Variants in AGMO observed in about 807,000 individuals in gnomAD.
The protein encoded by AGMO is alkylglycerol monooxygenase.
A neutral mutation model predicts 60.2 loss-of-function variants in AGMO; 75 were observed. The observed-to-expected ratio is 1.25, with a 90% CI of 1.03 to 1.51. The LOEUF (loss-of-function observed/expected upper bound fraction) is 1.51, where lower values mean the gene tolerates loss of function less well. AGMO is among the 40% of genes most tolerant of loss of function. The pLI, the probability that AGMO is intolerant of heterozygous loss-of-function variation, is 0.00. For missense variants in AGMO, 763 were observed against 525.5 expected, an observed-to-expected ratio of 1.45 and a Z score of -4.42; for synonymous variants, 261 against 177.1, an observed-to-expected ratio of 1.47 and a Z score of -3.76.
At chr7:15,378,559 G>A (rs1783548617) in intron 10 of AGMO, among the ~76,000 whole-genome samples, 1 of 151,908 alleles carries the variant, frequency 6.6e-6, no homozygotes, top group African/African-American at 2.4e-5. Flanking sequence ...AGTTCTTAGA[G>A]ATCTTCAAAG....
At chr7:15,425,918 T>G (rs1781049028) in intron 4 of AGMO, among the ~76,000 whole-genome samples, 1 of 152,196 alleles carries the variant, frequency 6.6e-6, no homozygotes, top group Non-Finnish European at 1.5e-5. Context: ...CTCTAGTAAT[T>G]TCAATTAAGT....
intron 12 of AGMO, among the ~76,000 whole-genome samples, chr7:15,324,905 A>C (rs1042697632): frequency 6.6e-6 from 1 of 152,052 alleles, no homozygotes; most frequent in Admixed American, 6.6e-5. Flanking sequence ...CCGGTTCCTA[A>C]TAGGCCACCA....
chr7:15,149,641 C>A, the AGMO span, among the ~76,000 whole-genome samples: 7 of 152,182 alleles, frequency 4.6e-5, no homozygotes, highest in African/African-American at 1.7e-4. Flanking sequence ...GGCTTTATTT[C>A]TGGGTTCTCT....
chr7:15,387,914 T>C (rs1486897095), intron 8 of AGMO, among the ~76,000 whole-genome samples: 1 of 150,720 alleles, frequency 6.6e-6, no homozygotes. Context: ...CTTTTTTTTT[T>C]TTTTTTTCCC....
At chr7:15,405,868 G>A (rs1223730661) in intron 5 of AGMO, among the ~76,000 whole-genome samples, 1 of 151,486 alleles carries the variant, frequency 6.6e-6, no homozygotes, top group Non-Finnish European at 1.5e-5. Flanking sequence ...AGCTAAAATA[G>A]GACAGATTTC....
intron 10 of AGMO, among the ~76,000 whole-genome samples, chr7:15,371,542 C>T (rs1157184314): frequency 6.6e-6 from 1 of 152,110 alleles, no homozygotes; most frequent in Non-Finnish European, 1.5e-5. Flanking sequence ...AGGCACCTAC[C>T]ACCTTACATA....
chr7:15,372,850 A>G (rs1347929170), intron 10 of AGMO, among the ~76,000 whole-genome samples: 1 of 152,230 alleles, frequency 6.6e-6, no homozygotes, highest in Non-Finnish European at 1.5e-5. Flanking sequence ...ATTATTCTAA[A>G]TTAGTTCCAT....
rs1784729551 is a variant in AGMO, at chr7:15,544,786, T to A, written c.395A>T (p.His132Leu). 6.3e-7 allele frequency: 1 copy of A among 1,598,970 alleles called. No homozygotes were observed. The highest frequency in any genetic ancestry group is 1.3e-5 in the African/African-American group (1 of 74,342). Residue 132 changes from histidine to leucine, a missense_variant, in exon 3 of 13, where the codon CAT becomes CTT. His to Leu is a moderately conservative substitution (Grantham distance 99). Transcript: ENST00000342526. ...TTGCAGCTTACCATGAGCCATACGA[T>A]GGAACCAGTAGTAGCCAAAGTCAAC... ...LGVDFGYYWF[H>L]RMAHEVNIMW...
At chr7:15,208,207 T>A (rs979897178) in intron 12 of AGMO, among the ~76,000 whole-genome samples, 13 of 152,142 alleles carry the variant, frequency 8.5e-5, no homozygotes, top group Middle Eastern at 3.2e-3. Flanking sequence ...GACTTTTTCT[T>A]AAACACTACA....
the AGMO span, among the ~76,000 whole-genome samples, chr7:15,191,983 A>T: frequency 0.11 from 16,438 of 151,456 alleles, 1,032 homozygotes; most frequent in Admixed American, 0.15. Flanking sequence ...TCACACACAC[A>T]CACACACACA....
chr7:15,319,901 T>C (rs1336754294), intron 12 of AGMO, among the ~76,000 whole-genome samples: 1 of 152,102 alleles, frequency 6.6e-6, no homozygotes, highest in East Asian at 1.9e-4. Context: ...ATTATCTAGA[T>C]AGTATAAAAC....
At chr7:15,223,115 T>C (rs750761226) in intron 12 of AGMO, among the ~76,000 whole-genome samples, 15 of 152,082 alleles carry the variant, frequency 9.9e-5, no homozygotes, top group Middle Eastern at 3.4e-3. Flanking sequence ...AGATAAATCA[T>C]AACAATTAGA....
chr7:15,373,291 A>T (rs1583472123), intron 10 of AGMO, among the ~76,000 whole-genome samples: 2 of 151,828 alleles, frequency 1.3e-5, no homozygotes, highest in African/African-American at 2.4e-5. Context: ...AAAAAAAAAA[A>T]TTATTTGGTA....
At chr7:15,411,485 A>ATGAAATGATTTACTTATT (rs1780603201) in intron 5 of AGMO, among the ~76,000 whole-genome samples, 1 of 152,052 alleles carries the variant, frequency 6.6e-6, no homozygotes, top group African/African-American at 2.4e-5. Context: ...GTTTACATTA[A>ATGAAATGATTTACTTATT]TGAAATGATT....
chr7:15,221,131 TGGTA>T (rs1781907961), intron 12 of AGMO, among the ~76,000 whole-genome samples: 2 of 152,156 alleles, frequency 1.3e-5, no homozygotes, highest in African/African-American at 4.8e-5. Context: ...TATGCCTCCT[TGGTA>T]GTGGGCTCAC....
chr7:15,317,854 TAC>T lies in AGMO; in HGVS notation c.1263+47658_1263+47659del, dbSNP rs1270090483. 3.6e-3 allele frequency among the ~76,000 whole-genome samples: 536 copies of T among 148,686 alleles called. 5 individuals carry two copies. Among genetic ancestry groups the T allele is most frequent in the African/African-American group, 0.012 (477 of 40,390 alleles). On this transcript the variant is annotated intron_variant, in intron 12 of 12. Transcript: ENST00000342526. ...TTTATATTTTTGTCATATATATATA[TAC>T]ACACACACACACGTATATATATATA...
At chr7:15,319,027 T>TGC (rs1781026629) in intron 12 of AGMO, among the ~76,000 whole-genome samples, 1 of 152,156 alleles carries the variant, frequency 6.6e-6, no homozygotes, top group Admixed American at 6.5e-5. Context: ...AGTTGATTAT[T>TGC]GCCAAACTCT....
At chr7:15,429,184 T>G (rs1781159025) in intron 4 of AGMO, among the ~76,000 whole-genome samples, 1 of 152,094 alleles carries the variant, frequency 6.6e-6, no homozygotes, top group Admixed American at 6.6e-5. Context: ...GAAGTGTTTC[T>G]TCAATAGTGC....
At chr7:15,282,023 T>C (rs936923359) in intron 12 of AGMO, among the ~76,000 whole-genome samples, 3 of 152,114 alleles carry the variant, frequency 2.0e-5, no homozygotes, top group African/African-American at 4.8e-5. Flanking sequence ...CAATCTGCTA[T>C]AAAAATTAAA....
Sources: allele counts gnomAD v4.1 joint callset (sites outside exome capture counted in the v4.1 genomes callset), GRCh38; gene constraint gnomAD v4.1.1; transcripts MANE v1.5; gene names NCBI Gene and HGNC (gene_info 2026-07-23, HGNC 2026-07-21).